Variants in ACAP2 observed in about 807,000 individuals in gnomAD.
The protein encoded by ACAP2 is ArfGAP with coiled-coil, ankyrin repeat and PH domains 2.
In ACAP2, 39 loss-of-function variants were observed where a neutral mutation model predicts 115.8. The ratio of observed to expected loss-of-function variants is 0.34; its 90% CI spans 0.26 to 0.44. The LOEUF (loss-of-function observed/expected upper bound fraction) is 0.44. Ranked by LOEUF, ACAP2 falls within the 20% of genes least tolerant of loss-of-function variation. The pLI, the probability that ACAP2 is intolerant of heterozygous loss-of-function variation, is 1.00. For missense variants in ACAP2, 662 were observed against 927.6 expected (o/e 0.71, Z 3.72); for synonymous variants, 289 against 315.8 (o/e 0.92, Z 0.90).
At chr3:195,356,463 G>A (rs1731977837) in intron 4 of ACAP2, among the ~76,000 whole-genome samples, 1 of 152,162 alleles carries the variant, frequency 6.6e-6, no homozygotes, top group African/African-American at 2.4e-5. Flanking sequence ...CAGAGCCAGT[G>A]GACTTGGAGG....
At chr3:195,404,377 G>T (rs1030521383) in intron 1 of ACAP2, among the ~76,000 whole-genome samples, 3 of 152,058 alleles carry the variant, frequency 2.0e-5, no homozygotes, top group Non-Finnish European at 2.9e-5. Context: ...TGATATTTTT[G>T]ATGAACCAAA....
At chr3:195,364,748 C>T (rs982140178) in intron 4 of ACAP2, among the ~76,000 whole-genome samples, 7 of 152,094 alleles carry the variant, frequency 4.6e-5, no homozygotes, top group Non-Finnish European at 1.0e-4. Flanking sequence ...AATGGAGCTA[C>T]CATACCATCC....
intron 1 of ACAP2, among the ~76,000 whole-genome samples, chr3:195,412,610 C>CA (rs1432703245): frequency 1.3e-5 from 2 of 151,474 alleles, no homozygotes; most frequent in Non-Finnish European, 2.9e-5. Flanking sequence ...GACTCTACCT[C>CA]AAAAAATAAA....
At chr3:195,391,032 C>T (rs1334337704) in intron 2 of ACAP2, among the ~76,000 whole-genome samples, 3 of 152,124 alleles carry the variant, frequency 2.0e-5, no homozygotes, top group South Asian at 2.1e-4. Flanking sequence ...TAAAATATGA[C>T]CATACAGATT....
chr3:195,412,360 T>C (rs375205793), intron 1 of ACAP2, among the ~76,000 whole-genome samples: 45 of 150,396 alleles, frequency 3.0e-4, no homozygotes, highest in African/African-American at 9.8e-4. Context: ...GGTGGGCAGA[T>C]CTTGAGGTCA....
chr3:195,290,203 TA>T (rs1272352791), intron 20 of ACAP2, among the ~76,000 whole-genome samples: 3 of 151,584 alleles, frequency 2.0e-5, no homozygotes, highest in East Asian at 1.9e-4. Flanking sequence ...AAAATGTCTC[TA>T]AAAAAAATTT....
intron 1 of ACAP2, among the ~76,000 whole-genome samples, chr3:195,433,743 G>A (rs1352139515): frequency 6.6e-6 from 1 of 152,108 alleles, no homozygotes; most frequent in Non-Finnish European, 1.5e-5. Context: ...ATAGTATATT[G>A]CATTGATTGA....
chr3:195,405,201 T>C (rs534052647), intron 1 of ACAP2, among the ~76,000 whole-genome samples: 6 of 152,314 alleles, frequency 3.9e-5, no homozygotes, highest in African/African-American at 1.4e-4. Flanking sequence ...GATCTGTGCT[T>C]TCTTGTCTTT....
At position 195,302,965 on chromosome 3, in the gene ACAP2, A is replaced by G. The variant is rs1265849942; in HGVS notation, c.1117-791T>C. The stretch of plus-strand genomic sequence containing the variant: ...ACAATGGCTCATGTCTGTAATCCCA[A>G]CACTTTGGGAGGCTGAGGCGGGTGG... On this transcript the variant is annotated intron_variant, in intron 13 of 22. Transcript: ENST00000326793. Among the ~76,000 whole-genome samples, 3 of 152,090 alleles carry G rather than the reference A, an allele frequency of 2.0e-5. No individual in the cohort carries two copies. The East Asian group carries it at 5.8e-4, about 29-fold the overall frequency.
chr3:195,363,660 C>T (rs1732522141), intron 4 of ACAP2, among the ~76,000 whole-genome samples: 1 of 150,728 alleles, frequency 6.6e-6, no homozygotes, highest in Admixed American at 6.6e-5. Context: ...AACAGAATAG[C>T]CAAAACTATC....
chr3:195,369,856 C>T (rs776137355), intron 4 of ACAP2, among the ~76,000 whole-genome samples: 1 of 152,260 alleles, frequency 6.6e-6, no homozygotes, highest in Non-Finnish European at 1.5e-5. Context: ...AATGGTTGAA[C>T]CAATTTACAC....
intron 1 of ACAP2, among the ~76,000 whole-genome samples, chr3:195,415,894 C>T (rs1713681939): frequency 6.6e-6 from 1 of 151,922 alleles, no homozygotes; most frequent in South Asian, 2.1e-4. Flanking sequence ...ATACAACCCA[C>T]AGATTGGGAG....
intron 1 of ACAP2, among the ~76,000 whole-genome samples, chr3:195,423,552 G>A (rs1224902813): frequency 6.6e-6 from 1 of 151,268 alleles, no homozygotes; most frequent in African/African-American, 2.4e-5. Flanking sequence ...GAACCTGGGA[G>A]GTGGAGGTTG....
At chr3:195,294,142 AAAAT>A (rs958249813) in intron 18 of ACAP2, among the ~76,000 whole-genome samples, 17 of 152,238 alleles carry the variant, frequency 1.1e-4, no homozygotes, top group African/African-American at 4.1e-4. Context: ...CCATCTCAAA[AAAAT>A]AAATAAATAA....
chr3:195,383,699 T>A (rs1734099841), intron 2 of ACAP2, among the ~76,000 whole-genome samples: 1 of 149,706 alleles, frequency 6.7e-6, no homozygotes. Flanking sequence ...ACAAACACAG[T>A]CAAAAGAAAC....
intron 22 of ACAP2, among the ~76,000 whole-genome samples, chr3:195,284,060 C>A (rs1205469568): frequency 6.6e-6 from 1 of 152,108 alleles, no homozygotes; most frequent in Non-Finnish European, 1.5e-5. Flanking sequence ...AACTTAGAGG[C>A]CCTTTCCTTT....
chr3:195,351,429 T>C (rs114842812), intron 4 of ACAP2, among the ~76,000 whole-genome samples: 1,543 of 142,466 alleles, frequency 0.011, 28 homozygotes, highest in African/African-American at 0.038. Flanking sequence ...TAAATCCATA[T>C]TTTTTCTTTT....
At chr3:195,307,733 A>G (rs1348192044) in intron 11 of ACAP2, among the ~76,000 whole-genome samples, 1 of 152,200 alleles carries the variant, frequency 6.6e-6, no homozygotes, top group African/African-American at 2.4e-5. Flanking sequence ...GAAAGCTATA[A>G]CTTCTTAAAA....
chr3:195,340,298 G>A (rs1042042238), intron 6 of ACAP2, among the ~76,000 whole-genome samples: 1 of 151,248 alleles, frequency 6.6e-6, no homozygotes, highest in Non-Finnish European at 1.5e-5. Flanking sequence ...TTCTATGAGA[G>A]TAAAAAAGTG....
Sources: gnomAD v4.1 joint callset for allele counts (sites outside exome capture counted in the v4.1 genomes callset) on GRCh38, gnomAD v4.1.1 for gene constraint, MANE v1.5 for transcripts, NCBI Gene and HGNC (gene_info 2026-07-23, HGNC 2026-07-21) for gene names.